Variants in CYB5RL observed in about 807,000 individuals in gnomAD.
The protein encoded by CYB5RL is NADH-cytochrome b5 reductase-like.
Under a neutral mutation model 37.5 loss-of-function variants are expected in CYB5RL, and 38 were observed. The observed-to-expected ratio is 1.01, with a 90% CI of 0.78 to 1.33. The LOEUF is 1.33. Among genes scored for constraint, CYB5RL ranks in the 40% most tolerant of loss-of-function variants. The pLI, the probability that CYB5RL is intolerant of heterozygous loss-of-function variation, is 0.00. For synonymous variants in CYB5RL, 141 were observed against 151.9 expected (o/e 0.93, Z 0.53); for missense variants, 388 against 394.4 (o/e 0.98, Z 0.14).
chr1:54,170,039 T>G lies in CYB5RL; in HGVS notation c.*4580A>C, dbSNP rs759150653. 2.0e-5 allele frequency: 3 copies of G among 152,238 alleles called. No individual in the cohort carries two copies. Among genetic ancestry groups the G allele is most frequent in the Non-Finnish European group, 4.4e-5 (3 of 68,036 alleles). The allele number at this position is 152,238 out of a possible 1,614,324, so 9.4% of individuals were successfully genotyped here. A position where few individuals can be genotyped will look rare whatever the true frequency, so the allele number is the denominator to read the frequency against. On this transcript the variant is annotated 3_prime_UTR_variant, in exon 8 of 8. Coordinates refer to ENST00000534324, the MANE Select transcript of CYB5RL (RefSeq NM_001031672.4). ...CTATATTGGTACATGCGGATGGAGT[T>G]CACTTTAATTGCTGTATCTACAGGC... is the stretch of plus-strand genomic sequence containing the variant.
At position 54,171,701 on chromosome 1, in the gene CYB5RL, TACA is replaced by T. The variant is rs1200320430; in HGVS notation, c.*2915_*2917del. The T allele has an allele frequency of 5.9e-6, 2 of 338,232 alleles. No homozygotes were observed. Among genetic ancestry groups the T allele is most frequent in the Non-Finnish European group, 5.9e-6 (1 of 170,526 alleles). The allele number at this position is 338,232 out of a possible 1,614,324, so 21.0% of individuals were successfully genotyped here. On this transcript the variant is annotated 3_prime_UTR_variant, in exon 8 of 8. Transcript: ENST00000534324. ...AGCTCCTAAGTCTCCCTTCTCCTAC[TACA>T]ACATCACACGGTGGCCACGCCTCCC... is the stretch of plus-strand genomic sequence containing the variant.
intron 7 of CYB5RL, among the ~76,000 whole-genome samples, chr1:54,176,401 T>TG (rs1660020441): frequency 6.6e-6 from 1 of 152,166 alleles, no homozygotes; most frequent in Admixed American, 6.5e-5. Flanking sequence ...GGTGATGCTA[T>TG]GTGCCTATAG....
intron 6 of CYB5RL, among the ~76,000 whole-genome samples, chr1:54,180,656 G>C (rs1660138121): frequency 6.6e-6 from 1 of 151,872 alleles, no homozygotes; most frequent in African/African-American, 2.4e-5. Flanking sequence ...GTGCCTTAAA[G>C]TTTAGTACCT....
At chr1:54,197,587 G>A (rs1381532429) in intron 1 of CYB5RL, among the ~76,000 whole-genome samples, 3 of 152,120 alleles carry the variant, frequency 2.0e-5, no homozygotes, top group Non-Finnish European at 1.5e-5. Context: ...TGAGTCAGAT[G>A]TGAGTTTGTT....
chr1:54,174,939 C>T (rs948427816), intron 7 of CYB5RL, 117 bp from the exon 8 acceptor site: 2 of 1,040,630 alleles, frequency 1.9e-6, no homozygotes, highest in Admixed American at 2.2e-5. Context: ...AGGAAGCCAA[C>T]CTATATCCAG....
At chr1:54,177,416 T>TA (rs1660047872) in intron 7 of CYB5RL, among the ~76,000 whole-genome samples, 1 of 152,140 alleles carries the variant, frequency 6.6e-6, no homozygotes, top group Non-Finnish European at 1.5e-5. Context: ...AATCTTCTAT[T>TA]GCTGGTGAAC....
chr1:54,198,694 G>A (rs1477525268), intron 1 of CYB5RL, among the ~76,000 whole-genome samples: 1 of 146,018 alleles, frequency 6.8e-6, no homozygotes, highest in African/African-American at 2.5e-5. Context: ...TGCAGTGGTA[G>A]GATCACAGCT....
chr1:54,175,460 C>A (rs1367391754), intron 7 of CYB5RL: 2 of 293,358 alleles, frequency 6.8e-6, no homozygotes, highest in Middle Eastern at 5.7e-4. Context: ...CTTCTCTCTG[C>A]CCTTCTAGCC....
intron 1 of CYB5RL, among the ~76,000 whole-genome samples, chr1:54,196,930 G>C (rs1389697538): frequency 6.6e-6 from 1 of 152,188 alleles, no homozygotes; most frequent in Non-Finnish European, 1.5e-5. Context: ...AAATACTGAA[G>C]AGGAAATTAA....
intron 6 of CYB5RL, among the ~76,000 whole-genome samples, chr1:54,179,616 T>A (rs1467087776): frequency 2.0e-5 from 3 of 152,198 alleles, no homozygotes; most frequent in African/African-American, 7.2e-5. Context: ...GTGGCCTGGT[T>A]GCCTACTAAA....
rs971340896 is a variant in CYB5RL, at chr1:54,172,191, G to A, written c.*2428C>T. The A allele has an allele frequency of 6.6e-6, 1 of 152,164 alleles. No individual in the cohort carries two copies. The highest frequency in any genetic ancestry group is 6.5e-5 in the Admixed American group (1 of 15,274). 9.4% of individuals were successfully genotyped at this position (152,164 alleles called of 1,614,324 possible). ...ATTTTATTATTATTATTTTGAGACAGGGTCTTGCTCTGTCACACAGATTGG... is the reference window on the plus strand; with the variant it reads ...ATTTTATTATTATTATTTTGAGACAAGGTCTTGCTCTGTCACACAGATTGG... On this transcript the variant is annotated 3_prime_UTR_variant, in exon 8 of 8. Coordinates refer to ENST00000534324, the MANE Select transcript of CYB5RL (RefSeq NM_001031672.4).
intron 4 of CYB5RL, among the ~76,000 whole-genome samples, chr1:54,188,983 G>A (rs1306752246): frequency 2.0e-5 from 3 of 152,160 alleles, no homozygotes; most frequent in African/African-American, 7.2e-5. Flanking sequence ...AAGAGATCGA[G>A]ACCATCCTGG....
intron 4 of CYB5RL, among the ~76,000 whole-genome samples, chr1:54,188,067 ACT>A (rs1414676146): frequency 6.6e-6 from 1 of 152,078 alleles, no homozygotes; most frequent in South Asian, 2.1e-4. Context: ...ATAGAGCAAG[ACT>A]CTGTCTCAAA....
At chr1:54,197,457 G>C (rs567198004) in intron 1 of CYB5RL, among the ~76,000 whole-genome samples, 4 of 151,728 alleles carry the variant, frequency 2.6e-5, no homozygotes, top group Admixed American at 6.6e-5. Context: ...CCAAGTAGCT[G>C]GGAAAACAGG....
At chr1:54,187,815 T>C (rs1643916349) in intron 4 of CYB5RL, 76 bp from the exon 5 acceptor site, 3 of 1,304,606 alleles carry the variant, frequency 2.3e-6, no homozygotes, top group Non-Finnish European at 2.2e-6. Context: ...GTGGCTCATG[T>C]CTGTAATCCC....
rs181016277 is a variant in CYB5RL at position 54,193,827 on chromosome 1, G to A, written c.198+1592C>T. 3.9e-3 allele frequency among the ~76,000 whole-genome samples: 594 copies of A among 151,462 alleles called. 3 individuals carry two copies. The highest frequency in any genetic ancestry group is 0.013 in the African/African-American group (553 of 41,334). On this transcript the variant is annotated intron_variant, in intron 3 of 7. Transcript: ENST00000534324. ...CTAAAAATGCAAAAAAAAATTAGCCGGGCGTGGTGGTAGGTGCCTGTAATC... is the reference window on the plus strand; with the variant it reads ...CTAAAAATGCAAAAAAAAATTAGCCAGGCGTGGTGGTAGGTGCCTGTAATC...
chr1:54,187,279 C>T (rs545299325), intron 5 of CYB5RL, among the ~76,000 whole-genome samples: 6 of 152,264 alleles, frequency 3.9e-5, no homozygotes, highest in African/African-American at 1.2e-4. Context: ...TGTTCTATTT[C>T]ACCCCTCCCA....
At chr1:54,180,234 C>G (rs12071673) in intron 6 of CYB5RL, 3 of 195,480 alleles carry the variant, frequency 1.5e-5, no homozygotes, top group African/African-American at 9.3e-5. Flanking sequence ...AAGATTCCAT[C>G]TAAAAAAAAA....
chr1:54,191,467 G>C (rs1643953362), intron 3 of CYB5RL, among the ~76,000 whole-genome samples: 3 of 152,206 alleles, frequency 2.0e-5, no homozygotes, highest in African/African-American at 4.8e-5. Flanking sequence ...TGGCTTACTT[G>C]TCCACAATCA....
Sources: allele counts gnomAD v4.1 joint callset (sites outside exome capture counted in the v4.1 genomes callset), GRCh38; gene constraint gnomAD v4.1.1; transcripts MANE v1.5; gene names NCBI Gene and HGNC (gene_info 2026-07-23, HGNC 2026-07-21).